The following GABRA5 variants were observed in gnomAD, a reference collection of about 807,000 sequenced individuals.
GABRA5 encodes the protein gamma-aminobutyric acid receptor subunit alpha-5.
Under a neutral mutation model 47.3 loss-of-function variants are expected in GABRA5, and 18 were observed. The ratio of observed to expected loss-of-function variants is 0.38; its 90% confidence interval spans 0.26 to 0.56. GABRA5 has a LOEUF of 0.56. GABRA5 is among the 20% of genes least tolerant of loss of function. The probability of loss-of-function intolerance (pLI) is 0.71; values close to 1 mark genes in which losing one functional copy is unlikely to be tolerated. For missense variants in GABRA5, 365 were observed against 599.3 expected (o/e 0.61, Z 4.08); for synonymous variants, 237 against 229.3 (o/e 1.03, Z -0.30).
At chr15:26,881,005 C>A in intron 4 of GABRA5, 38 bp downstream of exon 4, 2 of 1,607,088 alleles carry the variant, frequency 1.2e-6, no homozygotes, top group Non-Finnish European at 8.5e-7. Context: ...AGCAAGGATC[C>A]AGGAAGGGCT....
chr15:26,872,280 T>C (rs1015450201), intron 3 of GABRA5, among the ~76,000 whole-genome samples: 2 of 152,186 alleles, frequency 1.3e-5, no homozygotes, highest in Non-Finnish European at 2.9e-5. Flanking sequence ...TGGTTTTGGA[T>C]GAATCCTAGG....
chr15:26,938,875 C>T (rs1258905388), intron 8 of GABRA5, among the ~76,000 whole-genome samples: 1 of 152,236 alleles, frequency 6.6e-6, no homozygotes, highest in Non-Finnish European at 1.5e-5. Flanking sequence ...GTGAAGCATC[C>T]ACAGTGGCCC....
chr15:26,948,028 C>T lies in GABRA5; in HGVS notation c.1184C>T (p.Ala395Val). The T allele has an allele frequency of 6.2e-7, 1 of 1,605,322 alleles. No individual in the cohort carries two copies. Among genetic ancestry groups the T allele is most frequent in the Admixed American group, 1.7e-5 (1 of 58,642 alleles). Residue 395 changes from alanine to valine, a missense_variant, in exon 11 of 11, where the codon GCA becomes GTA. Physicochemically the swap from Ala to Val is moderately conservative, Grantham distance 64 (BLOSUM62 0). Around this residue, in one of 3 missense-constraint regions of GABRA5, gnomAD observed 106 missense variants for 130.3 expected, o/e 0.81. Coordinates refer to ENST00000335625, the MANE Select transcript of GABRA5 (RefSeq NM_000810.4). ...PPNIPKEQTPAGTSNTTSVSV... is the reference protein window; with the variant it reads ...PPNIPKEQTPVGTSNTTSVSV... ...AACATTCCGAAGGAACAGACCCCAG[C>T]AGGGACGTCGAATACAACCTCAGTC...
chr15:26,890,699 C>G (rs1245003807), intron 6 of GABRA5, among the ~76,000 whole-genome samples: 1 of 152,144 alleles, frequency 6.6e-6, no homozygotes, highest in Non-Finnish European at 1.5e-5. Flanking sequence ...CCCCACAGAG[C>G]GTCTTTTGGA....
At chr15:26,908,490 C>G (rs980177080) in intron 6 of GABRA5, among the ~76,000 whole-genome samples, 1 of 152,302 alleles carries the variant, frequency 6.6e-6, no homozygotes, top group East Asian at 1.9e-4. Context: ...GAATGCCAAA[C>G]GCTGTGTCTC....
At chr15:26,913,878 A>G (rs552434322) in intron 6 of GABRA5, among the ~76,000 whole-genome samples, 9 of 152,148 alleles carry the variant, frequency 5.9e-5, no homozygotes, top group Non-Finnish European at 1.2e-4. Context: ...AGCCAGGGCC[A>G]GGCAGCCTGG....
At chr15:26,935,137 A>G (rs925619005) in intron 7 of GABRA5, among the ~76,000 whole-genome samples, 1 of 152,204 alleles carries the variant, frequency 6.6e-6, no homozygotes, top group African/African-American at 2.4e-5. Context: ...AATGGACACA[A>G]GGGGTCATTT....
intron 8 of GABRA5, chr15:26,939,420 C>T: frequency 1.3e-6 from 1 of 765,152 alleles, no homozygotes; most frequent in African/African-American, 1.7e-5. Context: ...GACCCAGAGC[C>T]TCCTGAGCTG....
At chr15:26,935,512 G>A (rs981560968) in intron 7 of GABRA5, among the ~76,000 whole-genome samples, 2 of 152,178 alleles carry the variant, frequency 1.3e-5, no homozygotes, top group Non-Finnish European at 1.5e-5. Flanking sequence ...CCTCCCCACA[G>A]CTCTCCTTGC....
intron 10 of GABRA5, among the ~76,000 whole-genome samples, chr15:26,944,592 C>T (rs889536143): frequency 1.3e-5 from 2 of 152,138 alleles, no homozygotes; most frequent in South Asian, 2.1e-4. Flanking sequence ...GATAGGGACT[C>T]GGGGGCTGGG....
At chr15:26,910,465 T>C (rs1053360678) in intron 6 of GABRA5, among the ~76,000 whole-genome samples, 2 of 152,026 alleles carry the variant, frequency 1.3e-5, no homozygotes, top group Non-Finnish European at 2.9e-5. Context: ...GTGGGCGTGA[T>C]TGCGGACACC....
chr15:26,907,056 A>G (rs533230547), intron 6 of GABRA5, among the ~76,000 whole-genome samples: 7 of 152,354 alleles, frequency 4.6e-5, no homozygotes, highest in African/African-American at 1.4e-4. Flanking sequence ...TTAGCCCAGT[A>G]TAATTCTGAT....
At chr15:26,896,240 C>CA (rs1197140750) in intron 6 of GABRA5, among the ~76,000 whole-genome samples, 1 of 151,694 alleles carries the variant, frequency 6.6e-6, no homozygotes, top group Non-Finnish European at 1.5e-5. Flanking sequence ...GCAAAGTAGC[C>CA]AAAAAAAGCT....
intron 6 of GABRA5, among the ~76,000 whole-genome samples, chr15:26,897,781 C>G (rs957557445): frequency 6.6e-6 from 1 of 152,150 alleles, no homozygotes; most frequent in Non-Finnish European, 1.5e-5. Context: ...TTCTTTGCTG[C>G]ACTAACTTAA....
At chr15:26,894,994 G>T (rs1322443673) in intron 6 of GABRA5, among the ~76,000 whole-genome samples, 4 of 152,006 alleles carry the variant, frequency 2.6e-5, no homozygotes, top group South Asian at 2.1e-4. Flanking sequence ...TAGGCATCCT[G>T]CTGGGGTCTG....
intron 7 of GABRA5, among the ~76,000 whole-genome samples, chr15:26,921,646 T>A (rs1362714065): frequency 6.6e-6 from 1 of 152,044 alleles, no homozygotes; most frequent in Non-Finnish European, 1.5e-5. Context: ...TTGCATTTAG[T>A]TTGCATTTCT....
At chr15:26,876,440 G>A (rs760226599) in intron 3 of GABRA5, among the ~76,000 whole-genome samples, 225 of 152,320 alleles carry the variant, frequency 1.5e-3, no homozygotes, top group Non-Finnish European at 2.7e-3. Context: ...GCAGGACTGA[G>A]GGGAAGAGGC....
chr15:26,875,820 C>T (rs1892583692), intron 3 of GABRA5, among the ~76,000 whole-genome samples: 1 of 151,862 alleles, frequency 6.6e-6, no homozygotes. Context: ...GAGAGGGCCA[C>T]TGAGTGGTTT....
chr15:26,890,056 CATCCCATCATGTGGTT>C (rs944899594), intron 6 of GABRA5, among the ~76,000 whole-genome samples: 2 of 152,208 alleles, frequency 1.3e-5, no homozygotes, highest in Non-Finnish European at 1.5e-5. Flanking sequence ...TGATATAGCA[CATCCCATCATGTGGTT>C]ATCCTGTGTT....
Sources: allele counts gnomAD v4.1 joint callset (sites outside exome capture counted in the v4.1 genomes callset), GRCh38; gene constraint gnomAD v4.1.1; regional missense constraint gnomAD v4.1.1; transcripts MANE v1.5; gene names NCBI Gene and HGNC (gene_info 2026-07-23, HGNC 2026-07-21).